CCDC183: variants seen among roughly 807,000 people sequenced by gnomAD.
CCDC183 encodes the protein coiled-coil domain-containing protein 183.
Under a neutral mutation model 65.2 loss-of-function variants are expected in CCDC183, and 63 were observed. That is an observed-to-expected ratio of 0.97 (90% confidence interval 0.79 to 1.19). The LOEUF is 1.19. Ranked by LOEUF, CCDC183 falls within the 50% of genes most tolerant of loss-of-function variation. CCDC183 has a pLI of 0.00. For synonymous variants in CCDC183, 323 were observed against 276.5 expected, an observed-to-expected ratio of 1.17 and a Z score of -1.67; for missense variants, 769 against 689.3, an observed-to-expected ratio of 1.12 and a Z score of -1.30.
chr9:136,797,873 T>C (rs2131126386), intron 1 of CCDC183, among the ~76,000 whole-genome samples: 1 of 152,278 alleles, frequency 6.6e-6, no homozygotes, highest in East Asian at 1.9e-4. Flanking sequence ...CAGGCTCGAG[T>C]GCAGTGGCAT....
intron 5 of CCDC183, among the ~76,000 whole-genome samples, chr9:136,802,452 C>A (rs768725372): frequency 3.3e-5 from 5 of 152,204 alleles, no homozygotes; most frequent in Non-Finnish European, 5.9e-5. Context: ...GGTTGTTGGA[C>A]CCTAGGTGGT....
At position 136,802,683 on chromosome 9, in the gene CCDC183, T is replaced by C. The variant is rs186933045; in HGVS notation, c.563T>C (p.Ile188Thr). The C allele has an allele frequency of 2.3e-3, 3,641 of 1,612,794 alleles. 9 individuals carry two copies. Among genetic ancestry groups the C allele is most frequent in the Non-Finnish European group, 2.5e-3 (2,968 of 1,179,534 alleles). Residue 188 changes from isoleucine (I) to threonine (T), a missense_variant, in exon 6 of 14, where the codon ATT becomes ACT. Coordinates refer to ENST00000338005, the MANE Select transcript of CCDC183 (RefSeq NM_001039374.5). ...ACACAGGTGCTGGCAGGATACCCCA[T>C]TGAGCTGGACAAGCTGCAGAACCTC... The part of the protein sequence containing the change: ...YLKTVLAGYP[I>T]ELDKLQNLVV...
Position 136,804,697 on chromosome 9 carries a change from C to T in CCDC183, c.793-65C>T. ...AGCTGGGTGGACACAGGCTCAGGGC[C>T]ACCACTCAGGGCCCACTCCCTGCCA... is the stretch of plus-strand genomic sequence containing the variant. On this transcript the variant is annotated intron_variant, in intron 7 of 13. Coordinates refer to ENST00000338005, the MANE Select transcript of CCDC183 (RefSeq NM_001039374.5). The surrounding 1 kb of genome is among the most constrained non-coding windows in gnomAD (Gnocchi z 4.1). 1.5e-5 allele frequency: 24 copies of T among 1,613,008 alleles called. No individual in the cohort carries two copies. Among genetic ancestry groups the T allele is most frequent in the Middle Eastern group, 1.7e-4 (1 of 6,052 alleles).
chr9:136,804,285 C>A lies in CCDC183; in HGVS notation c.667-217C>A. On this transcript the variant is annotated intron_variant, in intron 6 of 13. Transcript: ENST00000338005. The surrounding 1 kb of genome is among the most constrained non-coding windows in gnomAD (Gnocchi z 4.1). ...GGCCAGCGGCTGGAGGGCAGCAGAG[C>A]GTCTGGGCTGGCACATGCTCTGAGG... 2 of 580,982 alleles carry A rather than the reference C, an allele frequency of 3.4e-6. No homozygotes were observed. The highest frequency in any genetic ancestry group is 5.9e-6 in the Non-Finnish European group (2 of 339,644). 36.0% of individuals were successfully genotyped at this position (580,982 alleles called of 1,614,324 possible). A position where few individuals can be genotyped will look rare whatever the true frequency, so the allele number is the denominator to read the frequency against.
intron 1 of CCDC183, 104 bp from the exon 2 acceptor site, chr9:136,798,998 G>C (rs1244188849): frequency 6.7e-7 from 1 of 1,497,910 alleles, no homozygotes; most frequent in African/African-American, 1.5e-5. Context: ...CATCCCCCTG[G>C]ACCCTGGGGC....
In CCDC183 at chr9:136,799,237, G is replaced by A. The variant is rs375797970; in HGVS notation, c.192+14G>A. On this transcript the variant is annotated intron_variant, in intron 2 of 13. Transcript: ENST00000338005. ...TTGGCCAAGAAGGTACACAAACGCC[G>A]CCCCTCCCCTCTGCCTGGCGAGCAG... The A allele has an allele frequency of 2.5e-6, 4 of 1,585,214 alleles. No individual in the cohort carries two copies. The highest frequency in any genetic ancestry group is 1.3e-5 in the African/African-American group (1 of 74,204).
Position 136,805,363 on chromosome 9 carries a change from G to C in CCDC183, c.854G>C (p.Arg285Thr). Residue 285 changes from arginine to threonine, a missense_variant, in exon 9 of 14, where the codon AGA (arginine) becomes ACA (threonine). Transcript: ENST00000338005. ...LMSTETLKLR[R>T]KETSTAEMEY... is the part of the protein sequence containing the mutation. ...CTCCCCTCTGCTCTGCCAGTGAGGA[G>C]AAAAGAGACCTCCACAGCAGAAATG... is the stretch of plus-strand genomic sequence containing the variant. The C allele has an allele frequency of 6.2e-7, 1 of 1,613,160 alleles. No individual in the cohort carries two copies. The highest frequency in any genetic ancestry group is 1.1e-5 in the South Asian group (1 of 90,758).
Position 136,799,012 on chromosome 9 carries a change from G to A in CCDC183, c.71-90G>A, listed in dbSNP as rs573498025. 2.9e-4 allele frequency: 421 copies of A among 1,451,244 alleles called. 2 individuals are homozygous for A. The African/African-American group carries it at 5.9e-3, about 20-fold the overall frequency. The allele number at this position is 1,451,244 out of a possible 1,614,324, so 89.9% of individuals were successfully genotyped here. On this transcript the variant is annotated intron_variant, in intron 1 of 13. Coordinates refer to ENST00000338005, the MANE Select transcript of CCDC183 (RefSeq NM_001039374.5). The stretch of plus-strand genomic sequence containing the variant: ...GCATCCCCCTGGACCCTGGGGCCTG[G>A]GGCCTCCCTGATGCAAGCCTCCCCC...
At position 136,807,565 on chromosome 9, in the gene CCDC183, C is replaced by G. The variant is rs768931184; in HGVS notation, c.1487-7C>G. 3 of 1,596,354 alleles carry G rather than the reference C, an allele frequency of 1.9e-6. No individual in the cohort carries two copies. The African/African-American group carries it at 4.1e-5, about 22-fold the overall frequency. ...CCCCGTGTGCGAGCCGCCGCCTCCG[C>G]CCGCAGACACCTTCCAGTTCCCCGA... On this transcript the variant is annotated splice_polypyrimidine_tract_variant and splice_region_variant and intron_variant, in intron 13 of 13. Transcript: ENST00000338005.
chr9:136,799,444 G>A (rs1847701956), intron 2 of CCDC183: 1 of 809,342 alleles, frequency 1.2e-6, no homozygotes, highest in African/African-American at 1.7e-5. Flanking sequence ...CTTGGCATCT[G>A]TGAGCCCACA....
chr9:136,797,029 G>T (rs746540164), intron 1 of CCDC183, among the ~76,000 whole-genome samples: 1 of 152,172 alleles, frequency 6.6e-6, no homozygotes. Context: ...TCTCCTGCTC[G>T]TCCCTGGGAA....
At chr9:136,803,728 A>G (rs1655874080) in intron 6 of CCDC183, among the ~76,000 whole-genome samples, 1 of 152,174 alleles carries the variant, frequency 6.6e-6, no homozygotes, top group Admixed American at 6.5e-5. Context: ...AGGTGTGGCC[A>G]GGGCTAGGGA....
In CCDC183 at chr9:136,806,216, C is replaced by T. The variant is rs772342645; in HGVS notation, c.1087C>T (p.Arg363Cys). Residue 363 changes from arginine (R) to cysteine (C), a missense_variant, in exon 10 of 14, where the codon CGC (arginine) becomes TGC (cysteine). By Grantham distance (180) the Arg-to-Cys change is radical (BLOSUM62 -3). Transcript: ENST00000338005. ...LELEEAVLKF[R>C]QKPSSISFKS... ...GCTGGAGGAGGCCGTGCTCAAGTTC[C>T]GCCAGAAGCCTAGCTCCATCAGGTG... is the stretch of plus-strand genomic sequence containing the variant. 1.6e-5 allele frequency: 25 copies of T among 1,589,284 alleles called. No individual in the cohort carries two copies. In the East Asian group the frequency reaches 3.2e-4, roughly 21 times the overall value.
chr9:136,803,282 TGGGGCCCCCCAGGGCG>T (rs1847778066), intron 6 of CCDC183, among the ~76,000 whole-genome samples: 2 of 37,930 alleles, frequency 5.3e-5, no homozygotes, highest in East Asian at 7.4e-4. Flanking sequence ...GGCCCAGGGC[TGGGGCCCCCCAGGGCG>T]GGCTCTCTTG....
chr9:136,800,709 G>A, intron 5 of CCDC183: 2 of 568,944 alleles, frequency 3.5e-6, no homozygotes, highest in South Asian at 2.0e-5. Context: ...AGAATTCTTC[G>A]GACTTTCTTG....
At chr9:136,796,565 C>A (rs1847652427) in intron 1 of CCDC183, 98 bp downstream of exon 1, 2 of 831,274 alleles carry the variant, frequency 2.4e-6, no homozygotes. Flanking sequence ...TTGTTACTGT[C>A]TATGTAGAAA....
At chr9:136,805,553 G>T (rs1847829218) in intron 9 of CCDC183, 96 bp downstream of exon 9, 2 of 1,180,958 alleles carry the variant, frequency 1.7e-6, no homozygotes, top group African/African-American at 1.5e-5. Context: ...ATGGCAGGAG[G>T]GTGGCTGAGC....
chr9:136,799,884 G>A, intron 3 of CCDC183, 94 bp downstream of exon 3: 1 of 1,501,822 alleles, frequency 6.7e-7, no homozygotes, highest in Non-Finnish European at 9.1e-7. Context: ...GGACGGAGCA[G>A]GTGCCCAGCC....
intron 6 of CCDC183, among the ~76,000 whole-genome samples, chr9:136,803,217 G>A (rs1298745739): frequency 1.2e-5 from 1 of 85,228 alleles, no homozygotes; most frequent in Non-Finnish European, 2.5e-5. Flanking sequence ...CCAGGGCTGG[G>A]GGCCCCCCAG....
Sources: gnomAD v4.1 joint callset for allele counts (sites outside exome capture counted in the v4.1 genomes callset) on GRCh38, gnomAD v4.1.1 for gene constraint, Gnocchi (gnomAD v3.1) non-coding constraint, MANE v1.5 for transcripts, NCBI Gene and HGNC (gene_info 2026-07-23, HGNC 2026-07-21) for gene names.